Variants in TRIM69 observed in about 807,000 individuals in gnomAD.
The protein encoded by TRIM69 is E3 ubiquitin-protein ligase TRIM69.
Under a neutral mutation model 37.7 loss-of-function variants are expected in TRIM69, and 29 were observed. The observed-to-expected ratio is 0.77, with a 90% CI of 0.57 to 1.05. The LOEUF is 1.05. Among genes scored for constraint, TRIM69 ranks in the 50% least tolerant of loss-of-function variants. The pLI is 0.00. For missense variants in TRIM69, 596 were observed against 579.9 expected, an observed-to-expected ratio of 1.03 and a Z score of -0.28; for synonymous variants, 209 against 212.4, an observed-to-expected ratio of 0.98 and a Z score of 0.14.
At chr15:44,765,702 C>T (rs376201902) in intron 6 of TRIM69, among the ~76,000 whole-genome samples, 27 of 151,742 alleles carry the variant, frequency 1.8e-4, no homozygotes, top group African/African-American at 6.0e-4. Context: ...TGCAGTGAGC[C>T]GAGGTTGTGC....
intron 1 of TRIM69, among the ~76,000 whole-genome samples, chr15:44,739,701 T>C (rs2087239948): frequency 6.6e-6 from 1 of 152,032 alleles, no homozygotes; most frequent in East Asian, 1.9e-4. Flanking sequence ...TTGCCCAGGC[T>C]TGCTTAGGTA....
chr15:44,767,553 T>G lies in TRIM69; in HGVS notation c.1284T>G (p.Asp428Glu). The change falls in exon 7 of 7, where the codon GAT becomes GAG. Residue 428 changes from aspartate (D) to glutamate (E), a missense_variant. By Grantham distance (45) the Asp-to-Glu change is conservative (BLOSUM62 2). Coordinates refer to ENST00000329464, the MANE Select transcript of TRIM69 (RefSeq NM_182985.5). Reference sequence around the variant, plus strand: ...ACCAAACTGATCTAAAGGCTCTGGATTTGCCTTCTTTCAGTCTGACACTGA... The same window carrying G: ...ACCAAACTGATCTAAAGGCTCTGGAGTTGCCTTCTTTCAGTCTGACACTGA... ...LRNQTDLKAL[D>E]LPSFSLTLTN... 6.2e-7 allele frequency: 1 copy of G among 1,614,146 alleles called. No homozygotes were observed. Among genetic ancestry groups the G allele is most frequent in the South Asian group, 1.1e-5 (1 of 91,078 alleles).
rs2087423023 is a variant in TRIM69 at position 44,747,027 on chromosome 15, G to T, written c.7-7873G>T. 2.0e-5 allele frequency among the ~76,000 whole-genome samples: 3 copies of T among 152,284 alleles called. No individual in the cohort carries two copies. The South Asian group carries it at 6.2e-4, about 32-fold the overall frequency. ...GAAAGTCAAGCAGGAATGTGAGAAAGGATGCCTAGGGAAGCAGACCTTACA... is the reference window on the plus strand; with the variant it reads ...GAAAGTCAAGCAGGAATGTGAGAAATGATGCCTAGGGAAGCAGACCTTACA... On this transcript the variant is annotated intron_variant, in intron 1 of 6. Transcript: ENST00000329464.
intron 1 of TRIM69, among the ~76,000 whole-genome samples, chr15:44,750,284 G>A (rs1375161574): frequency 6.6e-6 from 1 of 152,292 alleles, no homozygotes; most frequent in Middle Eastern, 3.4e-3. Context: ...ATTAGGAAGT[G>A]TTCCCTCTTG....
chr15:44,744,398 T>C (rs1232027206), intron 1 of TRIM69, among the ~76,000 whole-genome samples: 1 of 150,626 alleles, frequency 6.6e-6, no homozygotes, highest in Non-Finnish European at 1.5e-5. Flanking sequence ...ATGGCACATG[T>C]ATACATATGT....
chr15:44,749,818 A>G (rs989603062), intron 1 of TRIM69, among the ~76,000 whole-genome samples: 4 of 152,224 alleles, frequency 2.6e-5, no homozygotes, highest in Non-Finnish European at 5.9e-5. Context: ...ACTGATTTCC[A>G]CAGTGGTTGC....
intron 1 of TRIM69, among the ~76,000 whole-genome samples, chr15:44,748,477 C>T (rs1306491090): frequency 6.6e-6 from 1 of 152,120 alleles, no homozygotes; most frequent in African/African-American, 2.4e-5. Flanking sequence ...TAGTAGCCCA[C>T]CCTGGAAGGC....
At chr15:44,746,590 A>T (rs2141316355) in intron 1 of TRIM69, among the ~76,000 whole-genome samples, 1 of 152,348 alleles carries the variant, frequency 6.6e-6, no homozygotes. Flanking sequence ...AACACTAAAT[A>T]TTGGCTTTGC....
intron 1 of TRIM69, among the ~76,000 whole-genome samples, chr15:44,745,072 A>C (rs903629793): frequency 2.8e-5 from 4 of 140,738 alleles, no homozygotes; most frequent in Non-Finnish European, 4.5e-5. Context: ...TGCATACTAA[A>C]AAAAAAAAAA....
chr15:44,759,749 T>A lies in TRIM69; in HGVS notation c.838T>A (p.Leu280Met). The A allele has an allele frequency of 6.2e-7, 1 of 1,614,204 alleles. No individual in the cohort carries two copies. ...ATAAATGATTTATGTGCCCTGCAGC[T>A]TGGAGCAAGGAATGAAGGTGCTGGC... ...LKDITTLLHS[L>M]EQGMKVLATR... Residue 280 changes from leucine (L) to methionine (M), a missense_variant and splice_region_variant, in exon 6 of 7, where the codon TTG (leucine) becomes ATG (methionine). Coordinates refer to ENST00000329464, the MANE Select transcript of TRIM69 (RefSeq NM_182985.5).
intron 1 of TRIM69, among the ~76,000 whole-genome samples, chr15:44,740,373 T>A (rs1028676752): frequency 1.3e-5 from 2 of 152,178 alleles, no homozygotes; most frequent in African/African-American, 4.8e-5. Flanking sequence ...AAAACAAAGC[T>A]GGATGGAGAA....
intron 1 of TRIM69, among the ~76,000 whole-genome samples, chr15:44,740,468 A>C (rs990514970): frequency 1.3e-5 from 2 of 152,242 alleles, no homozygotes; most frequent in Admixed American, 1.3e-4. Context: ...AAGGCAAAGA[A>C]GTTAAAAACT....
chr15:44,752,075 T>TA, intron 1 of TRIM69, among the ~76,000 whole-genome samples: 1 of 152,196 alleles, frequency 6.6e-6, no homozygotes, highest in East Asian at 1.9e-4. Flanking sequence ...TTTTTACTCA[T>TA]CTCAAAGTAT....
intron 6 of TRIM69, among the ~76,000 whole-genome samples, chr15:44,762,581 T>TTA (rs1484224003): frequency 6.6e-6 from 1 of 152,134 alleles, no homozygotes; most frequent in Non-Finnish European, 1.5e-5. Context: ...ACACTTTATT[T>TTA]TAAATGGTTT....
intron 2 of TRIM69, 43 bp from the exon 3 acceptor site, chr15:44,756,325 A>G (rs528790662): frequency 7.2e-7 from 1 of 1,386,828 alleles, no homozygotes; most frequent in African/African-American, 1.4e-5. Context: ...ATGGTCCTTC[A>G]TCTCCCGAGT....
intron 6 of TRIM69, among the ~76,000 whole-genome samples, chr15:44,760,622 A>G (rs2087754187): frequency 1.3e-5 from 2 of 152,296 alleles, no homozygotes; most frequent in South Asian, 4.1e-4. Context: ...AAAATCAACT[A>G]TACTGAGATA....
chr15:44,743,701 A>T (rs947904336), intron 1 of TRIM69, among the ~76,000 whole-genome samples: 2 of 152,236 alleles, frequency 1.3e-5, no homozygotes, highest in Non-Finnish European at 2.9e-5. Flanking sequence ...AAATCACATG[A>T]AAAAATTCTC....
chr15:44,766,550 G>A (rs550264856), intron 6 of TRIM69, among the ~76,000 whole-genome samples: 1 of 151,792 alleles, frequency 6.6e-6, no homozygotes, highest in Non-Finnish European at 1.5e-5. Flanking sequence ...ATATACAACT[G>A]AATACTTACC....
chr15:44,759,167 A>C (rs375279311), intron 4 of TRIM69, among the ~76,000 whole-genome samples: 4 of 152,248 alleles, frequency 2.6e-5, no homozygotes, highest in African/African-American at 9.6e-5. Context: ...AAAATGTTGC[A>C]GCCTGAGTTG....
Sources: allele counts gnomAD v4.1 joint callset (sites outside exome capture counted in the v4.1 genomes callset), GRCh38; gene constraint gnomAD v4.1.1; transcripts MANE v1.5; gene names NCBI Gene and HGNC (gene_info 2026-07-23, HGNC 2026-07-21).